GRIN2B: variants seen among roughly 807,000 people sequenced by gnomAD.
GRIN2B encodes glutamate receptor ionotropic, NMDA 2B.
In GRIN2B, 5 loss-of-function variants were observed where a neutral mutation model predicts 114.5. The ratio of observed to expected loss-of-function variants is 0.04; its 90% CI spans 0.02 to 0.09. The LOEUF (loss-of-function observed/expected upper bound fraction) is 0.09. Ranked by LOEUF, GRIN2B falls within the 10% of genes least tolerant of loss-of-function variation. GRIN2B has a pLI of 1.00. For missense variants in GRIN2B, 1,108 were observed against 1,943.5 expected (o/e 0.57, Z 8.08); for synonymous variants, 787 against 745.1 (o/e 1.06, Z -0.92).
intron 3 of GRIN2B, among the ~76,000 whole-genome samples, chr12:13,858,468 A>AG (rs1184297894): frequency 2.6e-5 from 4 of 152,182 alleles, no homozygotes; most frequent in African/African-American, 9.7e-5. Flanking sequence ...TAAGACAAAA[A>AG]GAATCACAGA....
chr12:13,975,887 A>G (rs1260112778), intron 2 of GRIN2B, among the ~76,000 whole-genome samples: 1 of 152,248 alleles, frequency 6.6e-6, no homozygotes, highest in African/African-American at 2.4e-5. Flanking sequence ...AGTTTCACCA[A>G]GGGGACAAGG....
At chr12:13,603,843 TCAA>T in intron 10 of GRIN2B, among the ~76,000 whole-genome samples, 1 of 151,870 alleles carries the variant, frequency 6.6e-6, no homozygotes, top group African/African-American at 2.4e-5. Flanking sequence ...ACACAGGGAC[TCAA>T]ATTTTGGCTC....
intron 10 of GRIN2B, among the ~76,000 whole-genome samples, 156 bp from the exon 11 acceptor site, chr12:13,572,120 C>T (rs1291593573): frequency 1.3e-5 from 2 of 152,194 alleles, no homozygotes; most frequent in Non-Finnish European, 2.9e-5. Flanking sequence ...TACATTAGCC[C>T]TCACTCAAGA....
chr12:13,718,695 C>T (rs938431668), intron 4 of GRIN2B, among the ~76,000 whole-genome samples: 1 of 152,040 alleles, frequency 6.6e-6, no homozygotes. Flanking sequence ...ACATGATATC[C>T]CTGGTGGGCA....
At chr12:13,655,315 C>A (rs1366153229) in intron 5 of GRIN2B, among the ~76,000 whole-genome samples, 1 of 152,146 alleles carries the variant, frequency 6.6e-6, no homozygotes, top group African/African-American at 2.4e-5. Flanking sequence ...AGAATAGAAC[C>A]ACCCAGCCCA....
intron 4 of GRIN2B, among the ~76,000 whole-genome samples, chr12:13,741,504 C>T (rs960351194): frequency 3.3e-5 from 5 of 152,170 alleles, no homozygotes; most frequent in Non-Finnish European, 7.3e-5. Flanking sequence ...ACAAAGTAAG[C>T]AAAAGTCTTA....
At chr12:13,733,985 T>C (rs570056946) in intron 4 of GRIN2B, among the ~76,000 whole-genome samples, 1 of 152,102 alleles carries the variant, frequency 6.6e-6, no homozygotes, top group Non-Finnish European at 1.5e-5. Context: ...AGAACCATGC[T>C]CTCTTGCTTC....
At position 13,753,327 on chromosome 12, in the gene GRIN2B, T is replaced by G; in HGVS notation, c.1000A>C (p.Met334Leu). The change falls in exon 4 of 14, where the codon ATG becomes CTG. Residue 334 changes from methionine to leucine, a missense_variant. Physicochemically the swap from Met to Leu is conservative, Grantham distance 15 (BLOSUM62 2). Coordinates refer to ENST00000609686, the MANE Select transcript of GRIN2B (RefSeq NM_000834.5). The surrounding 1 kb of genome is among the most constrained non-coding windows in gnomAD (Gnocchi z 6.2). ...THEKRIYQSN[M>L]LNRYLINVTF... Reference sequence around the variant, plus strand: ...CTGTTCCACACTCACCTATTTAGCATATTGGACTGGTAGATTCTCTTCTCG... The same window carrying G: ...CTGTTCCACACTCACCTATTTAGCAGATTGGACTGGTAGATTCTCTTCTCG... 1 of 1,563,122 alleles carries G rather than the reference T, an allele frequency of 6.4e-7. No individual in the cohort carries two copies. Among genetic ancestry groups the G allele is most frequent in the Non-Finnish European group, 8.8e-7 (1 of 1,133,560 alleles).
chr12:13,708,539 C>T (rs1052140225), intron 4 of GRIN2B, among the ~76,000 whole-genome samples: 1 of 152,060 alleles, frequency 6.6e-6, no homozygotes, highest in Non-Finnish European at 1.5e-5. Context: ...TTTGGTTATT[C>T]TTGCTCCACA....
At chr12:13,703,920 A>G (rs934123712) in intron 4 of GRIN2B, among the ~76,000 whole-genome samples, 4 of 152,190 alleles carry the variant, frequency 2.6e-5, no homozygotes, top group Non-Finnish European at 4.4e-5. Context: ...CAACTCATAC[A>G]GAAATATACC....
At chr12:13,798,338 C>A (rs1032106225) in intron 3 of GRIN2B, among the ~76,000 whole-genome samples, 1 of 152,002 alleles carries the variant, frequency 6.6e-6, no homozygotes, top group African/African-American at 2.4e-5. Context: ...ATACCAGCCC[C>A]TAGGGATTCA....
chr12:13,876,089 T>C (rs1304483658), intron 2 of GRIN2B, among the ~76,000 whole-genome samples: 3 of 152,156 alleles, frequency 2.0e-5, no homozygotes, highest in Non-Finnish European at 4.4e-5. Flanking sequence ...AAACGGCAGA[T>C]TGAAATTACA....
intron 2 of GRIN2B, among the ~76,000 whole-genome samples, chr12:13,953,070 G>A (rs1046498321): frequency 3.9e-5 from 6 of 152,070 alleles, no homozygotes; most frequent in African/African-American, 1.4e-4. Context: ...AGGGATGCAT[G>A]CTAGAATCAT....
intron 3 of GRIN2B, among the ~76,000 whole-genome samples, chr12:13,765,625 T>C (rs1863767988): frequency 6.6e-6 from 1 of 152,250 alleles, no homozygotes. Context: ...CCCTTTCTAA[T>C]TCATTTCTTA....
intron 5 of GRIN2B, among the ~76,000 whole-genome samples, chr12:13,634,925 G>A (rs528444441): frequency 1.3e-5 from 2 of 152,286 alleles, no homozygotes; most frequent in African/African-American, 4.8e-5. Flanking sequence ...CCCATTCCAA[G>A]GATGAGCATT....
At chr12:13,773,605 G>GT (rs146004131) in intron 3 of GRIN2B, among the ~76,000 whole-genome samples, 1,978 of 152,286 alleles carry the variant, frequency 0.013, 23 homozygotes, top group Middle Eastern at 0.02. Flanking sequence ...TGGGCACACT[G>GT]ATCTCTGGAG....
intron 9 of GRIN2B, chr12:13,610,035 C>G (rs1949346429): frequency 2.0e-5 from 3 of 152,172 alleles, no homozygotes; most frequent in Non-Finnish European, 4.4e-5. Flanking sequence ...TCTGCCTGCA[C>G]AGTTTTACAA....
chr12:13,942,240 C>A lies in GRIN2B; in HGVS notation c.-19+37688G>T, dbSNP rs138437973. On this transcript the variant is annotated intron_variant, in intron 2 of 13. Coordinates refer to ENST00000609686, the MANE Select transcript of GRIN2B (RefSeq NM_000834.5). Reference sequence around the variant, plus strand: ...ATATGACAGGGGTGGGGAGGACAGCCCAGAACTTCAGAGCTGATCTACTCT... The same window carrying A: ...ATATGACAGGGGTGGGGAGGACAGCACAGAACTTCAGAGCTGATCTACTCT... 9.9e-5 allele frequency among the ~76,000 whole-genome samples: 15 copies of A among 152,198 alleles called. No individual in the cohort carries two copies. In the East Asian group the frequency reaches 2.9e-3, roughly 29 times the overall value.
chr12:13,897,662 A>T (rs1394647991), intron 2 of GRIN2B, among the ~76,000 whole-genome samples: 1 of 152,190 alleles, frequency 6.6e-6, no homozygotes, highest in Admixed American at 6.5e-5. Context: ...CTAGAAAATA[A>T]GAATGTTGTA....
Sources: gnomAD v4.1 joint callset for allele counts (sites outside exome capture counted in the v4.1 genomes callset) on GRCh38, gnomAD v4.1.1 for gene constraint, Gnocchi (gnomAD v3.1) non-coding constraint, MANE v1.5 for transcripts, NCBI Gene and HGNC (gene_info 2026-07-23, HGNC 2026-07-21) for gene names.